The following NCOR1 variants were observed in gnomAD, a reference collection of about 807,000 sequenced individuals.
NCOR1 encodes nuclear receptor corepressor 1.
A neutral mutation model predicts 288.1 loss-of-function variants in NCOR1; 63 were observed. The observed-to-expected ratio is 0.22, with a 90% confidence interval of 0.18 to 0.27. The LOEUF is 0.27. Among genes scored for constraint, NCOR1 ranks in the 10% least tolerant of loss-of-function variants. The probability of loss-of-function intolerance (pLI) is 1.00; values close to 1 mark genes in which losing one functional copy is unlikely to be tolerated. For synonymous variants in NCOR1, 1,007 were observed against 1,065.9 expected, an observed-to-expected ratio of 0.94 and a Z score of 1.08; for missense variants, 2,397 against 3,019.2, an observed-to-expected ratio of 0.79 and a Z score of 4.83.
At chr17:16,092,675 ATATATATATATATATATATATTTTTT>A (rs1276822722) in intron 21 of NCOR1, among the ~76,000 whole-genome samples, 11 of 18,210 alleles carry the variant, frequency 6.0e-4, no homozygotes, top group Non-Finnish European at 9.2e-4. Flanking sequence ...ATATATATAT[ATATATATATATATATATATATTTTTT>A]TTTTTTTTTT....
chr17:16,079,235 T>G (rs2063006148), intron 26 of NCOR1, among the ~76,000 whole-genome samples: 1 of 152,206 alleles, frequency 6.6e-6, no homozygotes, highest in South Asian at 2.1e-4. Context: ...TAGGTGATTC[T>G]GATGCTCCTG....
intron 18 of NCOR1, among the ~76,000 whole-genome samples, chr17:16,110,760 T>C (rs963836460): frequency 1.3e-5 from 2 of 152,218 alleles, no homozygotes; most frequent in African/African-American, 4.8e-5. Context: ...CTCATGCGGA[T>C]GATATTTAGG....
chr17:16,094,679 C>T (rs2066028356), intron 21 of NCOR1, among the ~76,000 whole-genome samples: 2 of 152,176 alleles, frequency 1.3e-5, no homozygotes, highest in South Asian at 4.1e-4. Context: ...ATTCTCCTGC[C>T]TCAGCCTGCC....
At chr17:16,047,893 C>A (rs1319698677) in intron 41 of NCOR1, among the ~76,000 whole-genome samples, 1 of 152,100 alleles carries the variant, frequency 6.6e-6, no homozygotes, top group Non-Finnish European at 1.5e-5. Context: ...TGGTCCCTGT[C>A]CTCAAAACAC....
chr17:16,081,214 G>A (rs922948583), intron 23 of NCOR1, among the ~76,000 whole-genome samples: 11 of 136,444 alleles, frequency 8.1e-5, no homozygotes, highest in Non-Finnish European at 1.7e-4. Flanking sequence ...TTTTCTTTTT[G>A]TTTTTTTTTT....
intron 3 of NCOR1, among the ~76,000 whole-genome samples, chr17:16,175,788 G>A (rs1206374816): frequency 1.3e-5 from 2 of 151,712 alleles, no homozygotes; most frequent in Non-Finnish European, 1.5e-5. Flanking sequence ...GAAGACTGAG[G>A]CAGGAGGATC....
intron 3 of NCOR1, among the ~76,000 whole-genome samples, chr17:16,173,142 G>A (rs570033244): frequency 2.0e-5 from 3 of 152,068 alleles, no homozygotes; most frequent in Admixed American, 6.6e-5. Context: ...GGCTGGTCTC[G>A]AACTCCTGAG....
intron 3 of NCOR1, among the ~76,000 whole-genome samples, 184 bp from the exon 4 acceptor site, chr17:16,172,179 C>G (rs1490661772): frequency 6.6e-6 from 1 of 152,266 alleles, no homozygotes; most frequent in East Asian, 1.9e-4. Context: ...CATTAAACTT[C>G]TAGTCTAATT....
intron 1 of NCOR1, among the ~76,000 whole-genome samples, chr17:16,198,873 A>G (rs751775585): frequency 2.6e-5 from 4 of 152,152 alleles, no homozygotes; most frequent in Non-Finnish European, 5.9e-5. Context: ...CAAATAAATA[A>G]AGCTATAAAT....
intron 3 of NCOR1, among the ~76,000 whole-genome samples, chr17:16,176,240 A>G (rs1208420538): frequency 1.3e-5 from 2 of 152,136 alleles, no homozygotes; most frequent in African/African-American, 4.8e-5. Context: ...AAAAGAAAAA[A>G]AAGAAATTCT....
At chr17:16,069,477 A>AT (rs1445344747) in intron 31 of NCOR1, among the ~76,000 whole-genome samples, 1 of 152,216 alleles carries the variant, frequency 6.6e-6, no homozygotes, top group African/African-American at 2.4e-5. Context: ...TGGTAAGTGG[A>AT]TGCATTTTTA....
At chr17:16,097,072 T>G (rs1357696142) in intron 21 of NCOR1, among the ~76,000 whole-genome samples, 1 of 152,202 alleles carries the variant, frequency 6.6e-6, no homozygotes, top group East Asian at 1.9e-4. Flanking sequence ...TGTGGCACAA[T>G]AAAAATTAAA....
intron 1 of NCOR1, among the ~76,000 whole-genome samples, chr17:16,206,013 T>TA (rs2091460876): frequency 1.3e-5 from 2 of 150,598 alleles, no homozygotes; most frequent in South Asian, 4.2e-4. Flanking sequence ...TCTTGATGGA[T>TA]AAAAGGCCAA....
In NCOR1 at chr17:16,068,123, T is replaced by C; in HGVS notation, c.4514-2A>G. On this transcript the variant is annotated splice_acceptor_variant, in intron 31 of 45. Coordinates refer to ENST00000268712, the MANE Select transcript of NCOR1 (RefSeq NM_006311.4). LOFTEE classifies it high-confidence loss of function. ...TAGACTTGTTAGAAGAAATTGTAAC[T>C]GGAAAAAAAGAGCCAATGCCACAAG... 2 of 1,599,512 alleles carry C rather than the reference T, an allele frequency of 1.3e-6. No individual in the cohort carries two copies. The highest frequency in any genetic ancestry group is 1.7e-6 in the Non-Finnish European group (2 of 1,171,162).
At chr17:16,168,959 G>A (rs78753364) in intron 4 of NCOR1, among the ~76,000 whole-genome samples, 2 of 142,622 alleles carry the variant, frequency 1.4e-5, no homozygotes, top group South Asian at 2.2e-4. Context: ...GTGAGACTCC[G>A]TCTCAAAAAA....
intron 1 of NCOR1, among the ~76,000 whole-genome samples, chr17:16,202,223 CA>C (rs35812448): frequency 0.027 from 2,619 of 97,376 alleles, 31 homozygotes; most frequent in East Asian, 0.077. Context: ...GACTCCATCT[CA>C]AAAAAAAAAA....
chr17:16,060,669 T>A (rs912624659), intron 37 of NCOR1, among the ~76,000 whole-genome samples: 1 of 152,200 alleles, frequency 6.6e-6, no homozygotes, highest in Non-Finnish European at 1.5e-5. Flanking sequence ...AGAAATCATT[T>A]TTTTTTTCAT....
At chr17:16,176,931 CTT>C (rs2084321797) in intron 3 of NCOR1, among the ~76,000 whole-genome samples, 1 of 152,002 alleles carries the variant, frequency 6.6e-6, no homozygotes, top group Non-Finnish European at 1.5e-5. Context: ...TCTTCCTTAA[CTT>C]TATGGGGAAT....
At position 16,172,009 on chromosome 17, in the gene NCOR1, A is replaced by G; in HGVS notation, c.243-14T>C. The stretch of plus-strand genomic sequence containing the variant: ...CTTTCTTGAGGCCTAATACATACAA[A>G]GAAAATAAACACTTGAAAATTTGTA... On this transcript the variant is annotated splice_polypyrimidine_tract_variant and intron_variant, in intron 3 of 45. Transcript: ENST00000268712. 2 of 1,521,872 alleles carry G rather than the reference A, an allele frequency of 1.3e-6. No homozygotes were observed. The highest frequency in any genetic ancestry group is 1.3e-5 in the South Asian group (1 of 78,568). The allele number at this position is 1,521,872 out of a possible 1,614,324, so 94.3% of individuals were successfully genotyped here.
Sources: gnomAD v4.1 joint callset for allele counts (sites outside exome capture counted in the v4.1 genomes callset) on GRCh38, gnomAD v4.1.1 for gene constraint, MANE v1.5 for transcripts, NCBI Gene and HGNC (gene_info 2026-07-23, HGNC 2026-07-21) for gene names.